KCTD9: variants seen among roughly 807,000 people sequenced by gnomAD.
KCTD9 encodes the protein BTB/POZ domain-containing protein KCTD9.
In KCTD9, 17 loss-of-function variants were observed where a neutral mutation model predicts 53.3. That is an observed-to-expected ratio of 0.32 (90% CI 0.22 to 0.48). The LOEUF (loss-of-function observed/expected upper bound fraction) is 0.48, where lower values mean the gene tolerates loss of function less well. KCTD9 is among the 20% of genes least tolerant of loss of function. KCTD9 has a pLI of 0.99. For synonymous variants in KCTD9, 128 were observed against 162.7 expected, an observed-to-expected ratio of 0.79 and a Z score of 1.62; for missense variants, 179 against 465.5, an observed-to-expected ratio of 0.38 and a Z score of 5.66.
chr8:25,436,942 A>T (rs1312918470), intron 6 of KCTD9, among the ~76,000 whole-genome samples: 2 of 152,216 alleles, frequency 1.3e-5, no homozygotes, highest in Non-Finnish European at 2.9e-5. Context: ...TGACTCAGTA[A>T]AAAACTACTT....
Position 25,444,192 on chromosome 8 carries a change from A to T in KCTD9, c.214+100T>A, listed in dbSNP as rs547750773. 17 of 973,392 alleles carry T rather than the reference A, an allele frequency of 1.7e-5. No homozygotes were observed. In the East Asian group the frequency reaches 4.4e-4, roughly 25 times the overall value. The allele number at this position is 973,392 out of a possible 1,614,324, so 60.3% of individuals were successfully genotyped here. A position where few individuals can be genotyped will look rare whatever the true frequency, so the allele number is the denominator to read the frequency against. On this transcript the variant is annotated intron_variant, in intron 3 of 11. Coordinates refer to ENST00000221200, the MANE Select transcript of KCTD9 (RefSeq NM_017634.4). ...AAGATTTGAATACAGCCATAAGATC[A>T]TTTTTAATGTTTAAGCTTAATAGCC... is the stretch of plus-strand genomic sequence containing the variant.
intron 1 of KCTD9, among the ~76,000 whole-genome samples, chr8:25,448,734 G>A (rs1802262482): frequency 1.3e-5 from 2 of 152,048 alleles, no homozygotes; most frequent in Admixed American, 6.6e-5. Flanking sequence ...GGGCAACACA[G>A]TGAAACCCCA....
intron 1 of KCTD9, among the ~76,000 whole-genome samples, chr8:25,446,790 G>A (rs1190934749): frequency 6.6e-6 from 1 of 152,048 alleles, no homozygotes; most frequent in African/African-American, 2.4e-5. Context: ...TATCATTAAC[G>A]ACATCAACTA....
chr8:25,445,565 G>C (rs917304156), intron 2 of KCTD9, among the ~76,000 whole-genome samples: 1 of 152,004 alleles, frequency 6.6e-6, no homozygotes, highest in African/African-American at 2.4e-5. Flanking sequence ...GCATCTTCCT[G>C]CTCCAAAATT....
intron 1 of KCTD9, among the ~76,000 whole-genome samples, chr8:25,450,074 C>CT (rs1404957816): frequency 6.6e-6 from 1 of 152,132 alleles, no homozygotes; most frequent in Non-Finnish European, 1.5e-5. Context: ...CAGGTATTTC[C>CT]TTGTAGGCTG....
chr8:25,440,778 A>C, intron 3 of KCTD9, 105 bp from the exon 4 acceptor site: 1 of 753,694 alleles, frequency 1.3e-6, no homozygotes, highest in South Asian at 1.6e-5. Flanking sequence ...ATAAAAGCAT[A>C]CCAGAGCTAC....
chr8:25,440,689 A>T lies in KCTD9; in HGVS notation c.215-16T>A, dbSNP rs1388063914. Reference sequence around the variant, plus strand: ...GTCTGAGGATCTAGAGATGACATGTAGAAAATAATACAAATATTAAGATTG... The same window carrying T: ...GTCTGAGGATCTAGAGATGACATGTTGAAAATAATACAAATATTAAGATTG... On this transcript the variant is annotated splice_polypyrimidine_tract_variant and intron_variant, in intron 3 of 11. Coordinates refer to ENST00000221200, the MANE Select transcript of KCTD9 (RefSeq NM_017634.4). 4.0e-6 allele frequency: 6 copies of T among 1,498,688 alleles called. No homozygotes were observed. The highest frequency in any genetic ancestry group is 5.6e-6 in the Non-Finnish European group (6 of 1,074,862). 92.8% of individuals were successfully genotyped at this position (1,498,688 alleles called of 1,614,324 possible). A position where few individuals can be genotyped will look rare whatever the true frequency, so the allele number is the denominator to read the frequency against.
In KCTD9 at chr8:25,458,235, C is replaced by G. The variant is rs774543305; in HGVS notation, c.12G>C (p.Val4=). The G allele has an allele frequency of 1.3e-6, 2 of 1,599,990 alleles. No individual in the cohort carries two copies. Among genetic ancestry groups the G allele is most frequent in the Admixed American group, 1.7e-5 (1 of 59,602 alleles). The change falls in exon 1 of 12, where the codon GTG becomes GTC. Residue 4 remains valine (V), a synonymous_variant. Transcript: ENST00000221200. The part of the protein sequence containing the change: MRR[V]TLFLNGSPKN... ...TGGGGCTGCCGTTCAGGAACAGGGT[C>G]ACCCGCCTCATCGCGCTGCCCCCGC...
chr8:25,454,200 G>A (rs1802385707), intron 1 of KCTD9, among the ~76,000 whole-genome samples: 1 of 152,080 alleles, frequency 6.6e-6, no homozygotes, highest in Non-Finnish European at 1.5e-5. Context: ...ACATGTTTCT[G>A]ACCTAATACC....
intron 2 of KCTD9, 62 bp from the exon 3 acceptor site, chr8:25,444,397 TG>T (rs1586432013): frequency 2.1e-6 from 3 of 1,458,082 alleles, no homozygotes; most frequent in Non-Finnish European, 2.9e-6. Context: ...AATTATCTGT[TG>T]CTTATAGGAA....
chr8:25,451,905 C>T (rs1802326904), intron 1 of KCTD9, among the ~76,000 whole-genome samples: 1 of 151,972 alleles, frequency 6.6e-6, no homozygotes, highest in Non-Finnish European at 1.5e-5. Context: ...TTAATCAATC[C>T]TAATAAAGTA....
chr8:25,445,957 T>C, intron 2 of KCTD9, 172 bp downstream of exon 2: 2 of 671,052 alleles, frequency 3.0e-6, no homozygotes, highest in Non-Finnish European at 4.9e-6. Context: ...GTTTTCTAGC[T>C]GATCAATTCA....
Position 25,458,329 on chromosome 8 carries a change from C to T in KCTD9, c.-83G>A. 6.7e-7 allele frequency: 1 copy of T among 1,487,796 alleles called. No individual in the cohort carries two copies. The highest frequency in any genetic ancestry group is 9.3e-7 in the Non-Finnish European group (1 of 1,073,918). The allele number at this position is 1,487,796 out of a possible 1,614,324, so 92.2% of individuals were successfully genotyped here. A position where few individuals can be genotyped will look rare whatever the true frequency, so the allele number is the denominator to read the frequency against. On this transcript the variant is annotated 5_prime_UTR_variant, in exon 1 of 12. Coordinates refer to ENST00000221200, the MANE Select transcript of KCTD9 (RefSeq NM_017634.4). ...CACCTTTTTCTCCTCCCGCCCTTCC[C>T]CTCCCTCCACCCACTCGGATTCGCC...
chr8:25,432,014 A>G (rs1327675314), intron 11 of KCTD9, among the ~76,000 whole-genome samples: 1 of 152,252 alleles, frequency 6.6e-6, no homozygotes, highest in South Asian at 2.1e-4. Context: ...CCTCCTGCAC[A>G]AAGTGCTATT....
intron 9 of KCTD9, among the ~76,000 whole-genome samples, chr8:25,433,876 T>C (rs1390881635): frequency 6.6e-6 from 1 of 152,164 alleles, no homozygotes; most frequent in Admixed American, 6.5e-5. Flanking sequence ...CTAAGTGAAA[T>C]TCTTGATATT....
intron 4 of KCTD9, among the ~76,000 whole-genome samples, chr8:25,440,259 C>T (rs1205495101): frequency 6.6e-6 from 1 of 151,140 alleles, no homozygotes; most frequent in Non-Finnish European, 1.5e-5. Context: ...GGGGTTTCAC[C>T]ATTTTAGCCG....
intron 4 of KCTD9, 172 bp from the exon 5 acceptor site, chr8:25,439,836 C>T: frequency 7.5e-7 from 1 of 1,337,400 alleles, no homozygotes; most frequent in South Asian, 1.7e-5. Context: ...TATCAGATCC[C>T]TTCTAATAGG....
At chr8:25,439,813 G>C (rs1222324170) in intron 4 of KCTD9, 149 bp from the exon 5 acceptor site, 6 of 1,463,202 alleles carry the variant, frequency 4.1e-6, no homozygotes, top group Non-Finnish European at 5.4e-6. Flanking sequence ...AAAACGTGCA[G>C]TAAGTTGCCA....
At chr8:25,430,468 T>C (rs1223439059) in intron 11 of KCTD9, among the ~76,000 whole-genome samples, 2 of 152,158 alleles carry the variant, frequency 1.3e-5, no homozygotes, top group Non-Finnish European at 2.9e-5. Context: ...GAACTGCACA[T>C]GTGAGGGATC....
Sources: allele counts gnomAD v4.1 joint callset (sites outside exome capture counted in the v4.1 genomes callset), GRCh38; gene constraint gnomAD v4.1.1; transcripts MANE v1.5; gene names NCBI Gene and HGNC (gene_info 2026-07-23, HGNC 2026-07-21).